The following ZNF281 variants were observed in gnomAD, a reference collection of about 807,000 sequenced individuals.
ZNF281 encodes zinc finger protein 281.
In ZNF281, 2 loss-of-function variants were observed where a neutral mutation model predicts 58.8. The observed-to-expected ratio is 0.03, with a 90% CI of 0.01 to 0.11. The LOEUF is 0.11. Among genes scored for constraint, ZNF281 ranks in the 10% least tolerant of loss-of-function variants. The pLI is 1.00. For missense variants in ZNF281, 975 were observed against 1,090.7 expected, an observed-to-expected ratio of 0.89 and a Z score of 1.49; for synonymous variants, 465 against 407.7, an observed-to-expected ratio of 1.14 and a Z score of -1.69.
At position 200,408,812 on chromosome 1, in the gene ZNF281, G is replaced by A; in HGVS notation, c.894C>T (p.Phe298=). Residue 298 remains phenylalanine (F), a synonymous_variant, in exon 2 of 2, where the codon TTC becomes TTT. Transcript: ENST00000367353. ...PFQCSQCSMG[F]IQKYLLQRHE... is the part of the protein sequence containing the mutation. ...GTCTCTGTAGTAGGTATTTCTGAAT[G>A]AAACCCATACTACACTGGCTGCACT... 1 of 1,614,182 alleles carries A rather than the reference G, an allele frequency of 6.2e-7. No individual in the cohort carries two copies. Among genetic ancestry groups the A allele is most frequent in the Non-Finnish European group, 8.5e-7 (1 of 1,180,028 alleles).
Position 200,405,965 on chromosome 1 carries a change from T to A in ZNF281, c.*1053A>T, listed in dbSNP as rs901336007. On this transcript the variant is annotated 3_prime_UTR_variant, in exon 2 of 2. Transcript: ENST00000367353. ...GCGCATAGTGAATTACCTACTGGAA[T>A]GTAAATGGTTCTAAAATTAAAACTG... 9 of 151,904 alleles carry A rather than the reference T, an allele frequency of 5.9e-5. No homozygotes were observed. The highest frequency in any genetic ancestry group is 1.0e-4 in the Non-Finnish European group (7 of 67,984). The allele number at this position is 151,904 out of a possible 1,614,324, so 9.4% of individuals were successfully genotyped here.
Position 200,406,716 on chromosome 1 carries a change from TTG to T in ZNF281, c.*300_*301del, listed in dbSNP as rs1470200232. On this transcript the variant is annotated 3_prime_UTR_variant, in exon 2 of 2. Coordinates refer to ENST00000367353, the MANE Select transcript of ZNF281 (RefSeq NM_001281293.2). ...TAGGTTTTTTTTTTTTGGTTTTTTT[TTG>T]TCTTTTTTTTTGCGTTTAAAACATT... The T allele has an allele frequency of 1.8e-5, 4 of 220,540 alleles. No individual in the cohort carries two copies. Among genetic ancestry groups the T allele is most frequent in the East Asian group, 1.9e-4 (2 of 10,374 alleles). 13.7% of individuals were successfully genotyped at this position (220,540 alleles called of 1,614,324 possible).
chr1:200,405,600 G>A lies in ZNF281; in HGVS notation c.*1418C>T, dbSNP rs1007042612. 1.3e-5 allele frequency: 2 copies of A among 152,158 alleles called. No individual in the cohort carries two copies. Among genetic ancestry groups the A allele is most frequent in the African/African-American group, 4.8e-5 (2 of 41,436 alleles). The allele number at this position is 152,158 out of a possible 1,614,324, so 9.4% of individuals were successfully genotyped here. A position where few individuals can be genotyped will look rare whatever the true frequency, so the allele number is the denominator to read the frequency against. On this transcript the variant is annotated 3_prime_UTR_variant, in exon 2 of 2. Transcript: ENST00000367353. ...TGCTAAAAAGCAGTTTTAGAGTAGA[G>A]CCACTGCCAATCAGTAGCTTCAAAT...
chr1:200,409,260 T>C lies in ZNF281; in HGVS notation c.446A>G (p.Tyr149Cys). 5.0e-6 allele frequency: 8 copies of C among 1,613,646 alleles called. No individual in the cohort carries two copies. Among genetic ancestry groups the C allele is most frequent in the Non-Finnish European group, 6.8e-6 (8 of 1,179,936 alleles). ...TTCAGCTCCAGCGAACAGCCCCCCATAGTGGTGGTGGTGATGGTGGTGGTG... is the reference window on the plus strand; with the variant it reads ...TTCAGCTCCAGCGAACAGCCCCCCACAGTGGTGGTGGTGATGGTGGTGGTG... ...QSHHHHHHHHYGGLFAGAEER... is the reference protein window; with the variant it reads ...QSHHHHHHHHCGGLFAGAEER... Residue 149 changes from tyrosine to cysteine, a missense_variant, in exon 2 of 2, where the codon TAT (tyrosine) becomes TGT (cysteine). Around this residue, in one of 3 missense-constraint regions of ZNF281, gnomAD observed 370 missense variants for 360.9 expected, o/e 1.03. Coordinates refer to ENST00000367353, the MANE Select transcript of ZNF281 (RefSeq NM_001281293.2).
chr1:200,408,039 T>C lies in ZNF281; in HGVS notation c.1667A>G (p.Asn556Ser). ...TASSNSAFSI[N>S]VGHMVSQQSV... The stretch of plus-strand genomic sequence containing the variant: ...CTGTTGGGAGACCATGTGTCCTACG[T>C]TTATAGAAAAGGCACTGTTGCTGCT... The change falls in exon 2 of 2, where the codon AAC becomes AGC. Residue 556 changes from asparagine (N) to serine (S), a missense_variant. Asn to Ser is a conservative substitution (Grantham distance 46). Around this residue, in one of 3 missense-constraint regions of ZNF281, gnomAD observed 579 missense variants for 608.9 expected, o/e 0.95. Coordinates refer to ENST00000367353, the MANE Select transcript of ZNF281 (RefSeq NM_001281293.2). 1.2e-6 allele frequency: 2 copies of C among 1,614,200 alleles called. No individual in the cohort carries two copies. The highest frequency in any genetic ancestry group is 2.7e-5 in the African/African-American group (2 of 75,046).
chr1:200,409,081 T>A lies in ZNF281; in HGVS notation c.625A>T (p.Thr209Ser). 1 of 1,614,188 alleles carries A rather than the reference T, an allele frequency of 6.2e-7. No individual in the cohort carries two copies. Among genetic ancestry groups the A allele is most frequent in the South Asian group, 1.1e-5 (1 of 91,076 alleles). ...SSSRTDDHHG[T>S]EEPKQDTNVK... ...TTAGTGTCCTGCTTTGGCTCCTCAG[T>A]GCCATGGTGGTCATCAGTCCTGCTA... The change falls in exon 2 of 2, where the codon ACT (threonine) becomes TCT (serine). Residue 209 changes from threonine (T) to serine (S), a missense_variant. This residue lies in a region of ZNF281 where 370 missense variants were observed against 360.9 expected (regional missense o/e 1.03). Transcript: ENST00000367353.
Position 200,407,967 on chromosome 1 carries a change from G to A in ZNF281, c.1739C>T (p.Pro580Leu), listed in dbSNP as rs1386965087. Residue 580 changes from proline to leucine, a missense_variant, in exon 2 of 2, where the codon CCA becomes CTA. This residue lies in a region of ZNF281 where 579 missense variants were observed against 608.9 expected (regional missense o/e 0.95). Transcript: ENST00000367353. ...AGVSVLDNEAPLSLIDSSALN... is the reference protein window; with the variant it reads ...AGVSVLDNEALLSLIDSSALN... ...AGCTGAGGAGTCAATAAGTGACAAT[G>A]GTGCCTCATTGTCCAAAACACTGAC... The A allele has an allele frequency of 1.2e-6, 2 of 1,614,154 alleles. No homozygotes were observed. Among genetic ancestry groups the A allele is most frequent in the Admixed American group, 3.3e-5 (2 of 60,022 alleles).
chr1:200,409,754 G>A (rs779783501), intron 1 of ZNF281, 31 bp from the exon 2 acceptor site: 9 of 1,571,516 alleles, frequency 5.7e-6, no homozygotes, highest in South Asian at 2.3e-5. Flanking sequence ...AGGGAAGAGG[G>A]AGGAAAGGAG....
At position 200,406,870 on chromosome 1, in the gene ZNF281, C is replaced by A; in HGVS notation, c.*148G>T. On this transcript the variant is annotated 3_prime_UTR_variant, in exon 2 of 2. Transcript: ENST00000367353. ...TAATACAAACAGAGCTAAAATCACG[C>A]TAACAAAATAAACTAAATATGAAAA... The A allele has an allele frequency of 1.4e-6, 1 of 700,066 alleles. No individual in the cohort carries two copies. The highest frequency in any genetic ancestry group is 4.1e-4 in the Middle Eastern group (1 of 2,430). 43.4% of individuals were successfully genotyped at this position (700,066 alleles called of 1,614,324 possible).
At position 200,407,259 on chromosome 1, in the gene ZNF281, G is replaced by A. The variant is rs753935503; in HGVS notation, c.2447C>T (p.Pro816Leu). ...TGTTCTAGGCTCTATGTCTTTCTGA[G>A]GATCTATCTGGCTAGCTAACTCCTG... is the stretch of plus-strand genomic sequence containing the variant. ...PSQELASQID[P>L]QKDIEPRTTY... Residue 816 changes from proline to leucine, a missense_variant, in exon 2 of 2, where the codon CCT becomes CTT. Transcript: ENST00000367353. 2 of 1,614,166 alleles carry A rather than the reference G, an allele frequency of 1.2e-6. 1 individual carries two copies. The highest frequency in any genetic ancestry group is 2.2e-5 in the South Asian group (2 of 91,090).
rs1478221867 is a variant in ZNF281 at position 200,405,945 on chromosome 1, T to G, written c.*1073A>C. ...GATGCCCTAAGGCATATAAAGCGCATAGTGAATTACCTACTGGAATGTAAA... is the reference window on the plus strand; with the variant it reads ...GATGCCCTAAGGCATATAAAGCGCAGAGTGAATTACCTACTGGAATGTAAA... On this transcript the variant is annotated 3_prime_UTR_variant, in exon 2 of 2. Coordinates refer to ENST00000367353, the MANE Select transcript of ZNF281 (RefSeq NM_001281293.2). 2 of 151,838 alleles carry G rather than the reference T, an allele frequency of 1.3e-5. No individual in the cohort carries two copies. Among genetic ancestry groups the G allele is most frequent in the Non-Finnish European group, 2.9e-5 (2 of 67,970 alleles). The allele number at this position is 151,838 out of a possible 1,614,324, so 9.4% of individuals were successfully genotyped here.
Position 200,407,922 on chromosome 1 carries a change from G to A in ZNF281, c.1784C>T (p.Ser595Phe), listed in dbSNP as rs1654497156. ...DSSALNAEIK[S>F]CHDKSGIPDE... is the part of the protein sequence containing the mutation. The stretch of plus-strand genomic sequence containing the variant: ...AGGAATTCCAGACTTGTCATGACAA[G>A]ATTTAATTTCAGCATTTAGAGCTGA... Residue 595 changes from serine (S) to phenylalanine (F), a missense_variant, in exon 2 of 2, where the codon TCT (serine) becomes TTT (phenylalanine). By Grantham distance (155) the Ser-to-Phe change is radical. This residue lies in a region of ZNF281 where 579 missense variants were observed against 608.9 expected (regional missense o/e 0.95). Coordinates refer to ENST00000367353, the MANE Select transcript of ZNF281 (RefSeq NM_001281293.2). The A allele has an allele frequency of 3.7e-6, 6 of 1,614,112 alleles. No individual in the cohort carries two copies. Among genetic ancestry groups the A allele is most frequent in the Non-Finnish European group, 5.1e-6 (6 of 1,180,024 alleles).
Position 200,409,046 on chromosome 1 carries a change from C to G in ZNF281, c.660G>C (p.Lys220Asn), listed in dbSNP as rs1654531449. 6.2e-7 allele frequency: 1 copy of G among 1,614,180 alleles called. No homozygotes were observed. The highest frequency in any genetic ancestry group is 8.5e-7 in the Non-Finnish European group (1 of 1,180,032). ...EEPKQDTNVK[K>N]AKRPKPESQG... ...GAGATTCTGGCTTTGGCCTTTTTGCCTTTTTGACATTAGTGTCCTGCTTTG... is the reference window on the plus strand; with the variant it reads ...GAGATTCTGGCTTTGGCCTTTTTGCGTTTTTGACATTAGTGTCCTGCTTTG... The change falls in exon 2 of 2, where the codon AAG becomes AAC. Residue 220 changes from lysine to asparagine, a missense_variant. Around this residue, in one of 3 missense-constraint regions of ZNF281, gnomAD observed 370 missense variants for 360.9 expected, o/e 1.03. Transcript: ENST00000367353.
chr1:200,409,762 G>A (rs1338032820), intron 1 of ZNF281, 39 bp from the exon 2 acceptor site: 1 of 1,559,782 alleles, frequency 6.4e-7, no homozygotes, highest in Non-Finnish European at 8.6e-7. Context: ...GGGAGGAAAG[G>A]AGGTGGAACC....
At position 200,407,537 on chromosome 1, in the gene ZNF281, A is replaced by T; in HGVS notation, c.2169T>A (p.Ser723=). The T allele has an allele frequency of 6.2e-7, 1 of 1,614,224 alleles. No individual in the cohort carries two copies. The highest frequency in any genetic ancestry group is 8.5e-7 in the Non-Finnish European group (1 of 1,180,046). ...ATGAAGATGGCAACACTGAGGTAAC[A>T]GATTGGCCGAAACCACACTCCAAAG... ...TSPLECGFGQ[S]VTSVLPSSLP... Residue 723 remains serine, a synonymous_variant, in exon 2 of 2, where the codon TCT becomes TCA. Coordinates refer to ENST00000367353, the MANE Select transcript of ZNF281 (RefSeq NM_001281293.2).
chr1:200,407,426 T>C lies in ZNF281; in HGVS notation c.2280A>G (p.Thr760=). 1 of 1,614,156 alleles carries C rather than the reference T, an allele frequency of 6.2e-7. No individual in the cohort carries two copies. The highest frequency in any genetic ancestry group is 8.5e-7 in the Non-Finnish European group (1 of 1,180,042). ...TCAGATCATCCAGCTCCTGGGAAGG[T>C]GTCAACTGCTGATGTGTAGCATCCA... ...SALDATHQQL[T]PSQELDDLID... is the part of the protein sequence containing the mutation. Residue 760 remains threonine, a synonymous_variant, in exon 2 of 2, where the codon ACA becomes ACG. Transcript: ENST00000367353.
chr1:200,408,208 T>A lies in ZNF281; in HGVS notation c.1498A>T (p.Ser500Cys). 1 of 1,613,284 alleles carries A rather than the reference T, an allele frequency of 6.2e-7. No homozygotes were observed. Among genetic ancestry groups the A allele is most frequent in the Non-Finnish European group, 8.5e-7 (1 of 1,180,034 alleles). Residue 500 changes from serine to cysteine, a missense_variant, in exon 2 of 2, where the codon AGT (serine) becomes TGT (cysteine). Ser to Cys is a moderately radical substitution (Grantham distance 112). Transcript: ENST00000367353. Reference sequence around the variant, plus strand: ...TTTGATACTATGCCAAGTGAGCCACTTGGTTTTCCAGACAAGGATTTCTGT... The same window carrying A: ...TTTGATACTATGCCAAGTGAGCCACATGGTTTTCCAGACAAGGATTTCTGT... Reference protein sequence around the residue: ...VGQKSLSGKPSGSLGIVSNNS... With the variant: ...VGQKSLSGKPCGSLGIVSNNS...
At position 200,407,216 on chromosome 1, in the gene ZNF281, G is replaced by A; in HGVS notation, c.2490C>T (p.Asn830=). 1.2e-6 allele frequency: 2 copies of A among 1,614,226 alleles called. No individual in the cohort carries two copies. Among genetic ancestry groups the A allele is most frequent in the Non-Finnish European group, 1.7e-6 (2 of 1,180,042 alleles). ...IEPRTTYQIE[N]FAQAFGSQFK... is the part of the protein sequence containing the mutation. Reference sequence around the variant, plus strand: ...ACTGAGAACCAAACGCTTGTGCAAAGTTCTCAATCTGATACGTTGTTCTAG... The same window carrying A: ...ACTGAGAACCAAACGCTTGTGCAAAATTCTCAATCTGATACGTTGTTCTAG... The change falls in exon 2 of 2, where the codon AAC becomes AAT. Residue 830 remains asparagine (N), a synonymous_variant. Coordinates refer to ENST00000367353, the MANE Select transcript of ZNF281 (RefSeq NM_001281293.2).
rs1013458489 is a variant in ZNF281 at position 200,409,509 on chromosome 1, G to T, written c.197C>A (p.Pro66Gln). The T allele has an allele frequency of 2.6e-6, 4 of 1,549,390 alleles. No individual in the cohort carries two copies. In the African/African-American group the frequency reaches 4.1e-5, roughly 16 times the overall value. Residue 66 changes from proline (P) to glutamine (Q), a missense_variant, in exon 2 of 2, where the codon CCG (proline) becomes CAG (glutamine). Physicochemically the swap from Pro to Gln is moderately conservative, Grantham distance 76. Coordinates refer to ENST00000367353, the MANE Select transcript of ZNF281 (RefSeq NM_001281293.2). ...CGGGGGAGGGGCGGCCGACCCCGCC[G>T]GCCGGGTGAAGCTGGTGACCGGGGG... ...RLPPVTSFTR[P>Q]AGSAAPPPQC...
Sources: allele counts gnomAD v4.1 joint callset, GRCh38; gene constraint gnomAD v4.1.1; regional missense constraint gnomAD v4.1.1; transcripts MANE v1.5; gene names NCBI Gene and HGNC (gene_info 2026-07-23, HGNC 2026-07-21).